Variants in CFAP20DC observed in about 807,000 individuals in gnomAD.
The protein encoded by CFAP20DC is CFAP20 domain containing, also known as protein CFAP20DC.
A neutral mutation model predicts 101.7 loss-of-function variants in CFAP20DC; 84 were observed. The ratio of observed to expected loss-of-function variants is 0.83; its 90% CI spans 0.69 to 0.99. CFAP20DC has a LOEUF of 0.99. Among genes scored for constraint, CFAP20DC ranks in the 50% least tolerant of loss-of-function variants. CFAP20DC has a pLI of 0.00. For missense variants in CFAP20DC, 1,007 were observed against 970.3 expected (o/e 1.04, Z -0.50); for synonymous variants, 359 against 351.2 (o/e 1.02, Z -0.25).
At chr3:58,781,425 T>C (rs1327990775) in intron 15 of CFAP20DC, among the ~76,000 whole-genome samples, 2 of 151,428 alleles carry the variant, frequency 1.3e-5, no homozygotes, top group East Asian at 1.9e-4. Context: ...CTAAAATTAA[T>C]AGAAGGAAAG....
At chr3:58,852,339 C>A (rs957685325) in intron 12 of CFAP20DC, among the ~76,000 whole-genome samples, 13 of 151,966 alleles carry the variant, frequency 8.6e-5, no homozygotes, top group Non-Finnish European at 1.5e-4. Context: ...ATTCATAAAG[C>A]AAGTCCTGAG....
intron 6 of CFAP20DC, among the ~76,000 whole-genome samples, chr3:58,908,482 T>G (rs971722214): frequency 7.9e-5 from 12 of 152,170 alleles, no homozygotes; most frequent in African/African-American, 2.7e-4. Context: ...CGGTGAAATA[T>G]CCAAAACAGT....
intron 13 of CFAP20DC, among the ~76,000 whole-genome samples, chr3:58,842,823 G>A (rs188835950): frequency 6.6e-5 from 10 of 152,326 alleles, no homozygotes; most frequent in South Asian, 2.1e-4. Flanking sequence ...TCTGACAACC[G>A]GCAGACTGCC....
At chr3:58,888,743 C>T (rs150139580) in intron 6 of CFAP20DC, among the ~76,000 whole-genome samples, 223 of 152,302 alleles carry the variant, frequency 1.5e-3, no homozygotes, top group African/African-American at 5.0e-3. Flanking sequence ...GGTTCCATGT[C>T]GTTGCTATTG....
chr3:58,829,770 G>A (rs548906848), intron 14 of CFAP20DC, among the ~76,000 whole-genome samples: 29 of 152,246 alleles, frequency 1.9e-4, no homozygotes, highest in Non-Finnish European at 3.5e-4. Flanking sequence ...ACAGGACAGC[G>A]ATGAGAACAC....
chr3:59,049,364 CACAG>C (rs1326387411), intron 1 of CFAP20DC, among the ~76,000 whole-genome samples: 2 of 152,170 alleles, frequency 1.3e-5, no homozygotes, highest in East Asian at 1.9e-4. Context: ...TAGGTAGAAT[CACAG>C]ACAATTAATT....
chr3:58,804,362 T>A (rs1204173438), intron 15 of CFAP20DC, among the ~76,000 whole-genome samples: 2 of 151,172 alleles, frequency 1.3e-5, no homozygotes, highest in Non-Finnish European at 3.0e-5. Flanking sequence ...TACAAATTAG[T>A]TCTTTTTTTT....
chr3:58,747,646 T>C (rs182924385), intron 16 of CFAP20DC, among the ~76,000 whole-genome samples: 42 of 152,306 alleles, frequency 2.8e-4, no homozygotes, highest in Non-Finnish European at 5.6e-4. Flanking sequence ...TAATACACTA[T>C]TGTTTAAGCA....
rs1280456125 is a variant in CFAP20DC, at chr3:58,874,242, A to G, written c.716-3933T>C. Among the ~76,000 whole-genome samples, 1 of 152,074 alleles carries G rather than the reference A, an allele frequency of 6.6e-6. No homozygotes were observed. The highest frequency in any genetic ancestry group is 1.5e-5 in the Non-Finnish European group (1 of 67,996). ...TGACACCTTCCCCTGATCTCTCCATATCCCATCCATGTCCACTTCCTTCCA... is the reference window on the plus strand; with the variant it reads ...TGACACCTTCCCCTGATCTCTCCATGTCCCATCCATGTCCACTTCCTTCCA... On this transcript the variant is annotated intron_variant, in intron 7 of 16. Transcript: ENST00000482387. The surrounding 1 kb of genome is among the most constrained non-coding windows in gnomAD (Gnocchi z 5.1).
At chr3:58,997,691 T>C (rs924462705) in intron 4 of CFAP20DC, among the ~76,000 whole-genome samples, 5 of 152,168 alleles carry the variant, frequency 3.3e-5, no homozygotes, top group African/African-American at 1.2e-4. Flanking sequence ...GAAGAATGAA[T>C]GTGAGGATCA....
At chr3:58,811,772 T>A (rs1428754168) in intron 14 of CFAP20DC, among the ~76,000 whole-genome samples, 3 of 151,420 alleles carry the variant, frequency 2.0e-5, no homozygotes, top group Non-Finnish European at 4.4e-5. Context: ...ACAGACAACC[T>A]ACAAAATGGG....
intron 4 of CFAP20DC, among the ~76,000 whole-genome samples, chr3:59,035,158 C>G (rs1188620009): frequency 2.6e-5 from 4 of 152,150 alleles, no homozygotes; most frequent in Non-Finnish European, 5.9e-5. Flanking sequence ...AACAAAGACA[C>G]AATGTACCAG....
intron 15 of CFAP20DC, among the ~76,000 whole-genome samples, chr3:58,756,225 C>A (rs1248881015): frequency 6.6e-6 from 1 of 152,050 alleles, no homozygotes; most frequent in African/African-American, 2.4e-5. Flanking sequence ...TTGTAACCCC[C>A]CTCTGACAGT....
intron 4 of CFAP20DC, among the ~76,000 whole-genome samples, chr3:58,990,743 G>C (rs1272379779): frequency 6.7e-6 from 1 of 148,478 alleles, no homozygotes; most frequent in Non-Finnish European, 1.5e-5. Context: ...TCAGATTTAG[G>C]ATGCTCAGCT....
intron 3 of CFAP20DC, among the ~76,000 whole-genome samples, chr3:58,736,998 A>C (rs1170826735): frequency 6.6e-6 from 1 of 152,180 alleles, no homozygotes; most frequent in Non-Finnish European, 1.5e-5. Flanking sequence ...TAAGACTCCA[A>C]TATTCATGAT....
At chr3:58,751,867 A>ACACACACACAC (rs1553645550) in intron 16 of CFAP20DC, among the ~76,000 whole-genome samples, 42 of 136,220 alleles carry the variant, frequency 3.1e-4, no homozygotes, top group African/African-American at 9.1e-4. Context: ...ACACACACAC[A>ACACACACACAC]AAATTTCCTC....
Position 58,831,701 on chromosome 3 carries a change from G to T in CFAP20DC, c.2160C>A (p.Asn720Lys), listed in dbSNP as rs755629636. The change falls in exon 14 of 17, where the codon AAC becomes AAA. Residue 720 changes from asparagine to lysine, a missense_variant. Asn to Lys is a moderately conservative substitution (Grantham distance 94). Coordinates refer to ENST00000482387, the MANE Select transcript of CFAP20DC (RefSeq NM_001394063.1). ...AGGGACTCACGGGTGGCAGGCAGGA[G>T]TTCCAGGTGGTTGTGTCGTCACTGC... is the stretch of plus-strand genomic sequence containing the variant. ...STSSDDTTTWNSCLPPPVNQG... is the reference protein window; with the variant it reads ...STSSDDTTTWKSCLPPPVNQG... 2 of 1,613,800 alleles carry T rather than the reference G, an allele frequency of 1.2e-6. No individual in the cohort carries two copies. The highest frequency in any genetic ancestry group is 4.5e-5 in the East Asian group (2 of 44,886).
chr3:58,719,872 A>G (rs2067446652), intron 3 of CFAP20DC, among the ~76,000 whole-genome samples: 1 of 152,356 alleles, frequency 6.6e-6, no homozygotes, highest in East Asian at 1.9e-4. Flanking sequence ...CACTCTGCCC[A>G]TGCAAACCAC....
intron 14 of CFAP20DC, among the ~76,000 whole-genome samples, chr3:58,806,777 C>A (rs1046865108): frequency 1.3e-5 from 2 of 152,188 alleles, no homozygotes; most frequent in African/African-American, 4.8e-5. Context: ...TTGCCTCACT[C>A]GGGAAGCGCA....
Sources: gnomAD v4.1 joint callset for allele counts (sites outside exome capture counted in the v4.1 genomes callset) on GRCh38, gnomAD v4.1.1 for gene constraint, Gnocchi (gnomAD v3.1) non-coding constraint, MANE v1.5 for transcripts, NCBI Gene and HGNC (gene_info 2026-07-23, HGNC 2026-07-21) for gene names.